MPP1: variants seen among roughly 807,000 people sequenced by gnomAD.
The protein encoded by MPP1 is 55 kDa erythrocyte membrane protein.
MPP1 carries 6 observed loss-of-function variants against 38.2 expected under a neutral mutation model. That is an observed-to-expected ratio of 0.16 (90% CI 0.09 to 0.31). The LOEUF (loss-of-function observed/expected upper bound fraction) is 0.31. Among genes scored for constraint, MPP1 ranks in the 10% least tolerant of loss-of-function variants. The probability of loss-of-function intolerance (pLI) is 1.00; values close to 1 mark genes in which losing one functional copy is unlikely to be tolerated. For missense variants in MPP1, 293 were observed against 368.9 expected, an observed-to-expected ratio of 0.79 and a Z score of 1.69; for synonymous variants, 153 against 146.3, an observed-to-expected ratio of 1.05 and a Z score of -0.33.
At position 154,785,208 on chromosome X, in the gene MPP1, A is replaced by ACC. The variant is rs3215184; in HGVS notation, c.678-53_678-52dup. 2,249 of 673,213 alleles carry ACC rather than the reference A, an allele frequency of 3.3e-3. 1 individual carries two copies. Among genetic ancestry groups the ACC allele is most frequent in the South Asian group, 0.013 (431 of 32,533 alleles). The allele number at this position is 673,213 out of a possible 1,213,427, so 55.5% of individuals were successfully genotyped here. A position where few individuals can be genotyped will look rare whatever the true frequency, so the allele number is the denominator to read the frequency against. On this transcript the variant is annotated intron_variant, in intron 6 of 11. Coordinates refer to ENST00000369534, the MANE Select transcript of MPP1 (RefSeq NM_002436.4). ...TCAGCTTTCCTCCCCCTCCCCTCAT[A>ACC]CCCCCCCCAGCCACTCAGTCTCTAA...
chrX:154,783,340 A>G, intron 9 of MPP1, 87 bp downstream of exon 9: 1 of 476,814 alleles, frequency 2.1e-6, no homozygotes, highest in Non-Finnish European at 3.1e-6. Flanking sequence ...AATAATTTAA[A>G]AAATAATAAA....
chrX:154,799,779 T>C, intron 1 of MPP1: 1 of 1,165,775 alleles, frequency 8.6e-7, no homozygotes, highest in South Asian at 1.9e-5. Context: ...TTCTGCAGCC[T>C]CTGGCCTTTA....
rs1007595285 is a variant in MPP1 at position 154,784,178 on chromosome X, T to C, written c.785-70A>G. ...GAGAACAGTGGTCCACACTCTGAAA[T>C]GGGAAACAGCCTCGCGACATCTCAA... is the stretch of plus-strand genomic sequence containing the variant. On this transcript the variant is annotated intron_variant, in intron 7 of 11. Coordinates refer to ENST00000369534, the MANE Select transcript of MPP1 (RefSeq NM_002436.4). 3.3e-5 allele frequency: 29 copies of C among 874,959 alleles called. No individual in the cohort carries two copies. In the South Asian group the frequency reaches 6.2e-4, roughly 19 times the overall value. 72.1% of individuals were successfully genotyped at this position (874,959 alleles called of 1,213,427 possible). A position where few individuals can be genotyped will look rare whatever the true frequency, so the allele number is the denominator to read the frequency against.
chrX:154,802,175 C>A (rs892701991), intron 1 of MPP1, among the ~76,000 whole-genome samples: 1 of 112,468 alleles, frequency 8.9e-6, no homozygotes, highest in Non-Finnish European at 1.9e-5. Flanking sequence ...CTAGGTACTG[C>A]GAAATGCAAG....
chrX:154,790,335 T>C (rs1251060352), intron 4 of MPP1, among the ~76,000 whole-genome samples: 1 of 110,465 alleles, frequency 9.1e-6, no homozygotes, highest in African/African-American at 3.3e-5. Context: ...AGTTCAAGAC[T>C]AGCCTGGCCA....
rs1557269069 is a variant in MPP1 at position 154,805,364 on chromosome X, T to C, written c.10A>G (p.Lys4Glu). The C allele has an allele frequency of 8.4e-7, 1 of 1,197,348 alleles. No homozygotes were observed. Among genetic ancestry groups the C allele is most frequent in the Non-Finnish European group, 1.1e-6 (1 of 887,388 alleles). ...CCCCCACTCTCGCCCTCGCTCGCCTTGAGGGTCATCTCGCAGAAGCTGGAA... is the reference window on the plus strand; with the variant it reads ...CCCCCACTCTCGCCCTCGCTCGCCTCGAGGGTCATCTCGCAGAAGCTGGAA... MTL[K>E]ASEGESGGSM... Residue 4 changes from lysine (K) to glutamate (E), a missense_variant, in exon 1 of 12, where the codon AAG becomes GAG. Physicochemically the swap from Lys to Glu is moderately conservative, Grantham distance 56. Transcript: ENST00000369534.
rs1259377040 is a variant in MPP1 at position 154,779,080 on chromosome X, A to G, written c.*97T>C. On this transcript the variant is annotated 3_prime_UTR_variant, in exon 12 of 12. Coordinates refer to ENST00000369534, the MANE Select transcript of MPP1 (RefSeq NM_002436.4). ...GCTGCAGAGAGCTGGAAGCTGACAC[A>G]AAACTAGTTGGAGCAGCCCTGTTTG... 2.3e-6 allele frequency: 2 copies of G among 854,509 alleles called. No homozygotes were observed. Among genetic ancestry groups the G allele is most frequent in the African/African-American group, 4.0e-5 (2 of 49,496 alleles). 70.4% of individuals were successfully genotyped at this position (854,509 alleles called of 1,213,427 possible). A position where few individuals can be genotyped will look rare whatever the true frequency, so the allele number is the denominator to read the frequency against.
intron 1 of MPP1, among the ~76,000 whole-genome samples, chrX:154,798,509 C>G (rs1367882079): frequency 8.9e-6 from 1 of 112,209 alleles, no homozygotes; most frequent in Non-Finnish European, 1.9e-5. Flanking sequence ...GAAAGCTAAT[C>G]TATTTCAAAA....
At chrX:154,799,578 A>G (rs1011196172) in intron 1 of MPP1, among the ~76,000 whole-genome samples, 1 of 112,878 alleles carries the variant, frequency 8.9e-6, no homozygotes, top group East Asian at 2.8e-4. Context: ...AGTTCAGTTC[A>G]CAACCTCCAC....
At chrX:154,779,390 C>A in intron 11 of MPP1, 37 bp from the exon 12 acceptor site, 1 of 1,163,880 alleles carries the variant, frequency 8.6e-7, no homozygotes, top group Non-Finnish European at 1.2e-6. Flanking sequence ...GCAAGCTGCA[C>A]CACCCCCAGC....
chrX:154,781,204 A>G, intron 11 of MPP1, 35 bp downstream of exon 11: 1 of 1,146,827 alleles, frequency 8.7e-7, no homozygotes, highest in Non-Finnish European at 1.2e-6. Context: ...GGCCCGGAGA[A>G]AGTGAACTAC....
intron 1 of MPP1, among the ~76,000 whole-genome samples, chrX:154,801,620 G>A (rs191206184): frequency 3.9e-4 from 42 of 108,614 alleles, no homozygotes; most frequent in African/African-American, 1.3e-3. Context: ...TTAGCCAGGC[G>A]TGTTGGCAGG....
intron 4 of MPP1, among the ~76,000 whole-genome samples, chrX:154,790,776 T>C (rs781855939): frequency 8.9e-6 from 1 of 112,264 alleles, no homozygotes; most frequent in East Asian, 2.8e-4. Flanking sequence ...ACCAGATTGA[T>C]GCTCTGGGTT....
At chrX:154,794,027 C>T (rs2072169483) in intron 1 of MPP1, among the ~76,000 whole-genome samples, 1 of 111,846 alleles carries the variant, frequency 8.9e-6, no homozygotes, top group African/African-American at 3.3e-5. Flanking sequence ...GTAGATGTCT[C>T]TCAGTTTGGG....
At position 154,791,688 on chromosome X, in the gene MPP1, A is replaced by C; in HGVS notation, c.325+81T>G. On this transcript the variant is annotated intron_variant, in intron 3 of 11. Transcript: ENST00000369534. ...AATGCTACCAGTTTGGAGGATTATA[A>C]GCTTCATGCCCCACACCACTGAACA... 2.2e-6 allele frequency: 2 copies of C among 922,757 alleles called. 1 individual carries two copies. The highest frequency in any genetic ancestry group is 4.3e-5 in the South Asian group (2 of 46,815). The allele number at this position is 922,757 out of a possible 1,213,427, so 76.0% of individuals were successfully genotyped here. A position where few individuals can be genotyped will look rare whatever the true frequency, so the allele number is the denominator to read the frequency against.
Position 154,785,036 on chromosome X carries a change from G to C in MPP1, c.784+15C>G. 8.3e-7 allele frequency: 1 copy of C among 1,199,608 alleles called. No individual in the cohort carries two copies. Among genetic ancestry groups the C allele is most frequent in the Non-Finnish European group, 1.1e-6 (1 of 884,767 alleles). On this transcript the variant is annotated intron_variant, in intron 7 of 11. Coordinates refer to ENST00000369534, the MANE Select transcript of MPP1 (RefSeq NM_002436.4). The stretch of plus-strand genomic sequence containing the variant: ...GCTGCCAGGAACCTGGGGCAAGAAG[G>C]CTCAGAAAGCTTACTCGAGCTGTGC...
rs1047904812 is a variant in MPP1, at chrX:154,779,235, T to G, written c.1343A>C (p.Glu448Ala). The G allele has an allele frequency of 3.3e-6, 4 of 1,209,982 alleles. No individual in the cohort carries two copies. The highest frequency in any genetic ancestry group is 3.5e-5 in the African/African-American group (2 of 57,141). The change falls in exon 12 of 12, where the codon GAA (glutamate) becomes GCA (alanine). Residue 448 changes from glutamate to alanine, a missense_variant. Physicochemically the swap from Glu to Ala is moderately radical, Grantham distance 107. Transcript: ENST00000369534. Reference protein sequence around the residue: ...GVDETLKKLQEAFDQACSSPQ... With the variant: ...GVDETLKKLQAAFDQACSSPQ... ...AGAACTGCACGCTTGGTCGAAGGCT[T>G]CTTGTAATTTCTTAAGGGTTTCATC...
chrX:154,788,445 T>G (rs1469923985), intron 5 of MPP1, among the ~76,000 whole-genome samples: 2 of 111,780 alleles, frequency 1.8e-5, no homozygotes, highest in Non-Finnish European at 3.8e-5. Context: ...AGAATCACAA[T>G]GTGATACCAC....
At chrX:154,790,257 G>A (rs1408536266) in intron 4 of MPP1, among the ~76,000 whole-genome samples, 3 of 111,538 alleles carry the variant, frequency 2.7e-5, no homozygotes, top group African/African-American at 9.8e-5. Flanking sequence ...AGCTGGGCAC[G>A]GTGGCTCACG....
Sources: allele counts gnomAD v4.1 joint callset (sites outside exome capture counted in the v4.1 genomes callset), GRCh38; gene constraint gnomAD v4.1.1; transcripts MANE v1.5; gene names NCBI Gene and HGNC (gene_info 2026-07-23, HGNC 2026-07-21).